Variants in GABRP observed in about 807,000 individuals in gnomAD.
The protein encoded by GABRP is gamma-aminobutyric acid receptor subunit pi.
GABRP carries 52 observed loss-of-function variants against 47.8 expected under a neutral mutation model. The ratio of observed to expected loss-of-function variants is 1.09; its 90% CI spans 0.87 to 1.37. The LOEUF is 1.37. Among genes scored for constraint, GABRP ranks in the 40% most tolerant of loss-of-function variants. The pLI is 0.00. For synonymous variants in GABRP, 221 were observed against 205.8 expected (o/e 1.07, Z -0.63); for missense variants, 525 against 542.8 (o/e 0.97, Z 0.33).
At chr5:170,784,617 G>T (rs139371186) in intron 1 of GABRP, among the ~76,000 whole-genome samples, 1 of 152,316 alleles carries the variant, frequency 6.6e-6, no homozygotes, top group Non-Finnish European at 1.5e-5. Flanking sequence ...GGCACCTGGG[G>T]TGTATATAGA....
chr5:170,802,753 C>T (rs371920441), intron 6 of GABRP, among the ~76,000 whole-genome samples: 67 of 104,206 alleles, frequency 6.4e-4, no homozygotes, highest in African/African-American at 2.8e-3. Flanking sequence ...GCGGAGGGAG[C>T]TTTCTCTGTT....
intron 6 of GABRP, among the ~76,000 whole-genome samples, chr5:170,805,295 G>A (rs1160013091): frequency 3.9e-5 from 6 of 151,932 alleles, no homozygotes; most frequent in South Asian, 2.1e-4. Context: ...TTTTGTTTTT[G>A]CATTTATGCC....
chr5:170,797,134 C>A (rs1765451381), intron 5 of GABRP, among the ~76,000 whole-genome samples: 1 of 152,206 alleles, frequency 6.6e-6, no homozygotes, highest in Non-Finnish European at 1.5e-5. Flanking sequence ...CTGTTCTAGG[C>A]CCACCCAGGT....
chr5:170,810,116 T>C, intron 9 of GABRP: 1 of 498,336 alleles, frequency 2.0e-6, no homozygotes, highest in Non-Finnish European at 3.5e-6. Flanking sequence ...ATTTAATTCT[T>C]TTGTTGCATT....
chr5:170,786,078 CAT>C (rs944574622), intron 1 of GABRP, among the ~76,000 whole-genome samples: 30 of 152,238 alleles, frequency 2.0e-4, no homozygotes, highest in Admixed American at 7.2e-4. Flanking sequence ...ACCAGTCACA[CAT>C]GTCTCTTCCT....
At chr5:170,789,627 A>C (rs1765215769) in intron 3 of GABRP, among the ~76,000 whole-genome samples, 1 of 152,026 alleles carries the variant, frequency 6.6e-6, no homozygotes, top group Non-Finnish European at 1.5e-5. Context: ...CCAAACTGCC[A>C]TCTGGATGCC....
At chr5:170,784,997 A>T (rs1174270812) in intron 1 of GABRP, among the ~76,000 whole-genome samples, 1 of 152,210 alleles carries the variant, frequency 6.6e-6, no homozygotes, top group Non-Finnish European at 1.5e-5. Context: ...AACCCTTAGG[A>T]CACTGCTCTC....
chr5:170,796,622 C>T (rs944288584), intron 5 of GABRP, among the ~76,000 whole-genome samples: 2 of 152,160 alleles, frequency 1.3e-5, no homozygotes, highest in African/African-American at 4.8e-5. Flanking sequence ...ATATTTCCTA[C>T]CTAGTAGAAC....
intron 4 of GABRP, among the ~76,000 whole-genome samples, chr5:170,794,806 T>C (rs1765377876): frequency 6.6e-6 from 1 of 151,822 alleles, no homozygotes; most frequent in Non-Finnish European, 1.5e-5. Flanking sequence ...AGATAAATCG[T>C]GGACAACCTA....
chr5:170,789,305 G>A (rs1051223869), intron 3 of GABRP, 58 bp downstream of exon 3: 14 of 1,115,696 alleles, frequency 1.3e-5, no homozygotes, highest in Non-Finnish European at 1.9e-5. Context: ...GAGACAATAA[G>A]CAGTGGAGGG....
intron 7 of GABRP, among the ~76,000 whole-genome samples, chr5:170,806,697 C>T (rs1054722575): frequency 6.6e-6 from 1 of 152,168 alleles, no homozygotes; most frequent in Admixed American, 6.5e-5. Context: ...CCGCCTTGGC[C>T]TCCCAAAGTG....
chr5:170,810,008 C>A, intron 9 of GABRP: 1 of 700,528 alleles, frequency 1.4e-6, no homozygotes, highest in Non-Finnish European at 2.6e-6. Context: ...CTGTATGCAG[C>A]ATAAAATCAC....
chr5:170,806,293 A>G (rs1240482765), intron 7 of GABRP, among the ~76,000 whole-genome samples: 1 of 152,230 alleles, frequency 6.6e-6, no homozygotes, highest in African/African-American at 2.4e-5. Flanking sequence ...TTCATTTACC[A>G]GAAATGCATC....
intron 1 of GABRP, 44 bp from the exon 2 acceptor site, chr5:170,788,530 G>GA: frequency 7.4e-7 from 1 of 1,344,174 alleles, no homozygotes; most frequent in Non-Finnish European, 1.1e-6. Context: ...GAGCAGGTGA[G>GA]CCTGTTGCAC....
At chr5:170,806,829 G>T (rs188301329) in intron 7 of GABRP, among the ~76,000 whole-genome samples, 13 of 152,260 alleles carry the variant, frequency 8.5e-5, no homozygotes, top group Admixed American at 5.2e-4. Flanking sequence ...AAACTAAAGG[G>T]TATGTATAGA....
intron 6 of GABRP, among the ~76,000 whole-genome samples, chr5:170,798,358 C>T (rs532418350): frequency 2.2e-4 from 34 of 152,250 alleles, no homozygotes; most frequent in East Asian, 3.9e-4. Flanking sequence ...GAGTTTTTAA[C>T]GGGCTCTAAT....
Position 170,797,561 on chromosome 5 carries a change from C to T in GABRP, c.541+13C>T. ...CAGCTGGAAAGCTGTAAGTATACATCCTACAGGCTCCTGAGATGATTTTCC... is the reference window on the plus strand; with the variant it reads ...CAGCTGGAAAGCTGTAAGTATACATTCTACAGGCTCCTGAGATGATTTTCC... On this transcript the variant is annotated intron_variant, in intron 6 of 9. Transcript: ENST00000265294. The T allele has an allele frequency of 6.6e-7, 1 of 1,523,084 alleles. No individual in the cohort carries two copies. Among genetic ancestry groups the T allele is most frequent in the Non-Finnish European group, 9.1e-7 (1 of 1,097,526 alleles). The allele number at this position is 1,523,084 out of a possible 1,614,324, so 94.3% of individuals were successfully genotyped here.
At chr5:170,788,743 T>C in intron 2 of GABRP, 75 bp downstream of exon 2, 4 of 1,387,234 alleles carry the variant, frequency 2.9e-6, no homozygotes, top group Non-Finnish European at 3.1e-6. Flanking sequence ...AGGGGGCAGC[T>C]CCTCCTATTC....
chr5:170,792,409 T>A (rs1408515818), intron 3 of GABRP, among the ~76,000 whole-genome samples: 1 of 149,060 alleles, frequency 6.7e-6, no homozygotes, highest in Non-Finnish European at 1.5e-5. Flanking sequence ...CCACTGCACC[T>A]CCAGCCTGGG....
Sources: allele counts gnomAD v4.1 joint callset (sites outside exome capture counted in the v4.1 genomes callset), GRCh38; gene constraint gnomAD v4.1.1; transcripts MANE v1.5; gene names NCBI Gene and HGNC (gene_info 2026-07-23, HGNC 2026-07-21).